The following CNOT6L variants were observed in gnomAD, a reference collection of about 807,000 sequenced individuals.
CNOT6L encodes CCR4-NOT transcription complex subunit 6 like, also known as CCR4-NOT transcription complex subunit 6-like.
In CNOT6L, 7 loss-of-function variants were observed where a neutral mutation model predicts 64.0. That is an observed-to-expected ratio of 0.11 (90% CI 0.06 to 0.21). The LOEUF is 0.21. Ranked by LOEUF, CNOT6L falls within the 10% of genes least tolerant of loss-of-function variation. The pLI is 1.00. For missense variants in CNOT6L, 245 were observed against 669.0 expected (o/e 0.37, Z 6.99); for synonymous variants, 193 against 243.4 (o/e 0.79, Z 1.93).
At chr4:77,776,460 G>C in intron 1 of CNOT6L, 68 bp from the exon 2 acceptor site, 2 of 1,121,934 alleles carry the variant, frequency 1.8e-6, no homozygotes, top group Non-Finnish European at 2.5e-6. Flanking sequence ...GAGAAAATAG[G>C]ATGGTAAACT....
chr4:77,798,131 G>C (rs1157293446), intron 1 of CNOT6L, among the ~76,000 whole-genome samples: 1 of 152,080 alleles, frequency 6.6e-6, no homozygotes. Flanking sequence ...TTCAAGACCA[G>C]CCTGGGCAAA....
chr4:77,723,272 T>A (rs754475979), intron 11 of CNOT6L, among the ~76,000 whole-genome samples: 1 of 152,184 alleles, frequency 6.6e-6, no homozygotes, highest in Non-Finnish European at 1.5e-5. Flanking sequence ...CCAAATCAGT[T>A]TGCAATTAAA....
intron 11 of CNOT6L, among the ~76,000 whole-genome samples, chr4:77,725,251 C>T (rs185037024): frequency 6.6e-6 from 1 of 152,174 alleles, no homozygotes; most frequent in East Asian, 1.9e-4. Flanking sequence ...CTAACCCACA[C>T]AAAAATAGAA....
In CNOT6L at chr4:77,774,815, C is replaced by A. The variant is rs142415204; in HGVS notation, c.128-99G>T. The A allele has an allele frequency of 1.0e-3, 657 of 660,024 alleles. 8 individuals are homozygous for A. Among genetic ancestry groups the A allele is most frequent in the South Asian group, 9.1e-3 (318 of 34,942 alleles). The allele number at this position is 660,024 out of a possible 1,614,324, so 40.9% of individuals were successfully genotyped here. On this transcript the variant is annotated intron_variant, in intron 2 of 11. Coordinates refer to ENST00000504123, the MANE Select transcript of CNOT6L (RefSeq NM_144571.3). ...AGTGGTAAGAGAGGCTGCAAATACA[C>A]ATGGATATTGTATCTCTGACATTTT...
chr4:77,727,568 A>C (rs1156407250), intron 10 of CNOT6L, among the ~76,000 whole-genome samples: 1 of 2,394 alleles, frequency 4.2e-4, no homozygotes, highest in African/African-American at 1.2e-3. Context: ...GTCTCAAAAA[A>C]AAAAAAAAAA....
At chr4:77,783,939 A>G (rs74802417) in intron 1 of CNOT6L, among the ~76,000 whole-genome samples, 7,574 of 150,468 alleles carry the variant, frequency 0.05, 233 homozygotes, top group African/African-American at 0.085. Context: ...TCTCAAGTCA[A>G]ACACTAGTTA....
chr4:77,733,993 C>G (rs1274725085), intron 8 of CNOT6L, among the ~76,000 whole-genome samples: 1 of 152,078 alleles, frequency 6.6e-6, no homozygotes, highest in African/African-American at 2.4e-5. Flanking sequence ...TTGAAAAGTT[C>G]ATTTGAACAA....
chr4:77,765,941 C>T (rs1726771432), intron 4 of CNOT6L, among the ~76,000 whole-genome samples: 1 of 152,164 alleles, frequency 6.6e-6, no homozygotes, highest in African/African-American at 2.4e-5. Context: ...TACAAACTGA[C>T]TGTGTACACA....
At chr4:77,805,649 T>C (rs1329615527) in intron 1 of CNOT6L, among the ~76,000 whole-genome samples, 1 of 152,196 alleles carries the variant, frequency 6.6e-6, no homozygotes, top group Non-Finnish European at 1.5e-5. Flanking sequence ...TACTTAACAG[T>C]ATTAGTAGAG....
intron 9 of CNOT6L, 96 bp from the exon 10 acceptor site, chr4:77,729,177 T>A: frequency 1.2e-6 from 1 of 811,298 alleles, no homozygotes; most frequent in South Asian, 1.7e-5. Flanking sequence ...CACAGCTACT[T>A]CTTTACTCTT....
At chr4:77,773,572 C>T (rs1252595109) in intron 3 of CNOT6L, among the ~76,000 whole-genome samples, 3 of 152,144 alleles carry the variant, frequency 2.0e-5, no homozygotes. Flanking sequence ...TTTACACAAA[C>T]TTCAGGAATA....
At chr4:77,729,270 G>C (rs1188555151) in intron 9 of CNOT6L, among the ~76,000 whole-genome samples, 189 bp from the exon 10 acceptor site, 1 of 152,146 alleles carries the variant, frequency 6.6e-6, no homozygotes, top group Non-Finnish European at 1.5e-5. Context: ...ATCCTACTAT[G>C]GGAATTACTC....
At chr4:77,759,863 C>T (rs910148206) in intron 4 of CNOT6L, among the ~76,000 whole-genome samples, 4 of 152,140 alleles carry the variant, frequency 2.6e-5, no homozygotes, top group African/African-American at 9.7e-5. Flanking sequence ...GTTCCAAGTG[C>T]ACATGAACAT....
chr4:77,783,169 A>AC (rs1553895270), intron 1 of CNOT6L, among the ~76,000 whole-genome samples: 3 of 151,202 alleles, frequency 2.0e-5, no homozygotes, highest in Non-Finnish European at 2.9e-5. Flanking sequence ...AAAAAAAAAA[A>AC]ACACATGTTT....
At chr4:77,820,061 G>A (rs1322996456), upstream of CNOT6L, among the ~76,000 whole-genome samples, 2 of 152,166 alleles carry the variant, frequency 1.3e-5, no homozygotes, top group African/African-American at 4.8e-5. Context: ...TGCCGCCGCT[G>A]CGGGGGTTGC....
chr4:77,770,424 G>C (rs1727393853), intron 4 of CNOT6L, among the ~76,000 whole-genome samples: 1 of 151,984 alleles, frequency 6.6e-6, no homozygotes, highest in Non-Finnish European at 1.5e-5. Flanking sequence ...ACCTTCCTAA[G>C]AATATAAAAC....
intron 11 of CNOT6L, among the ~76,000 whole-genome samples, chr4:77,725,288 C>T (rs1483461849): frequency 6.6e-6 from 1 of 152,098 alleles, no homozygotes; most frequent in African/African-American, 2.4e-5. Context: ...ATAAGGGAGG[C>T]CATTTGTAAA....
chr4:77,744,352 T>TA (rs1560583874), intron 7 of CNOT6L, among the ~76,000 whole-genome samples: 46 of 151,036 alleles, frequency 3.0e-4, no homozygotes, highest in African/African-American at 1.1e-3. Context: ...GCTTTTTTTT[T>TA]TAAAAAAAAA....
At chr4:77,781,415 A>G (rs1286122277) in intron 1 of CNOT6L, among the ~76,000 whole-genome samples, 1 of 152,218 alleles carries the variant, frequency 6.6e-6, no homozygotes, top group African/African-American at 2.4e-5. Context: ...TAGTTTTTTA[A>G]TTTATAAGCA....
Sources: gnomAD v4.1 joint callset for allele counts (sites outside exome capture counted in the v4.1 genomes callset) on GRCh38, gnomAD v4.1.1 for gene constraint, MANE v1.5 for transcripts, NCBI Gene and HGNC (gene_info 2026-07-23, HGNC 2026-07-21) for gene names.